Variants in IFTAP observed in about 807,000 individuals in gnomAD.
The protein encoded by IFTAP is intraflagellar transport associated protein.
Under a neutral mutation model 19.4 loss-of-function variants are expected in IFTAP, and 19 were observed. That is an observed-to-expected ratio of 0.98 (90% confidence interval 0.68 to 1.44). The LOEUF (loss-of-function observed/expected upper bound fraction) is 1.44, where lower values mean the gene tolerates loss of function less well. Among genes scored for constraint, IFTAP ranks in the 40% most tolerant of loss-of-function variants. IFTAP has a pLI of 0.00. For synonymous variants in IFTAP, 85 were observed against 83.5 expected (o/e 1.02, Z -0.10); for missense variants, 240 against 253.6 (o/e 0.95, Z 0.36).
chr11:36,653,780 A>G (rs930735639), intron 5 of IFTAP, among the ~76,000 whole-genome samples: 4 of 152,170 alleles, frequency 2.6e-5, no homozygotes, highest in African/African-American at 9.6e-5. Context: ...AAGCTTATGT[A>G]ATTAACATGC....
At chr11:36,632,139 G>A (rs1281293643) in intron 2 of IFTAP, among the ~76,000 whole-genome samples, 1 of 151,050 alleles carries the variant, frequency 6.6e-6, no homozygotes, top group Non-Finnish European at 1.5e-5. Context: ...GTAGGCCTTG[G>A]TTCTTTAATC....
intron 2 of IFTAP, among the ~76,000 whole-genome samples, chr11:36,631,821 G>C (rs954261050): frequency 1.3e-5 from 2 of 150,864 alleles, no homozygotes; most frequent in African/African-American, 5.0e-5. Context: ...GATCATTGAC[G>C]TAGGTTCCTG....
chr11:36,651,538 C>A (rs1402618173), intron 5 of IFTAP, among the ~76,000 whole-genome samples: 1 of 152,160 alleles, frequency 6.6e-6, no homozygotes, highest in Non-Finnish European at 1.5e-5. Flanking sequence ...TTTTGCTGTG[C>A]AGAAGCTCTT....
chr11:36,650,558 CA>C lies in IFTAP; in HGVS notation c.498+2413del, dbSNP rs1287408197. Among the ~76,000 whole-genome samples the C allele has an allele frequency of 1.1e-3, 154 of 139,156 alleles. 1 individual carries two copies. Among genetic ancestry groups the C allele is most frequent in the African/African-American group, 4.0e-3 (149 of 37,310 alleles). 91.3% of individuals were successfully genotyped at this position (139,156 alleles called of 152,430 possible). A position where few individuals can be genotyped will look rare whatever the true frequency, so the allele number is the denominator to read the frequency against. On this transcript the variant is annotated intron_variant, in intron 5 of 5. Transcript: ENST00000334307. ...TACCACTGGTTCTTTTTTTTTTTTC[CA>C]AAAAAAAAATATATTTTTATTATAC...
intron 2 of IFTAP, among the ~76,000 whole-genome samples, chr11:36,619,249 T>C (rs1187667291): frequency 6.6e-6 from 1 of 152,050 alleles, no homozygotes; most frequent in Non-Finnish European, 1.5e-5. Context: ...TACTCATACT[T>C]GACAGCTTCT....
Position 36,648,107 on chromosome 11 carries a change from A to T in IFTAP, c.450A>T (p.Glu150Asp). 2 of 1,613,464 alleles carry T rather than the reference A, an allele frequency of 1.2e-6. No individual in the cohort carries two copies. The highest frequency in any genetic ancestry group is 1.3e-5 in the African/African-American group (1 of 74,990). Reference sequence around the variant, plus strand: ...TTGTGGCCCAGCCTCCTACCTGTGAAGTGAAGCCAAAGCCCAGTGTTAAAA... The same window carrying T: ...TTGTGGCCCAGCCTCCTACCTGTGATGTGAAGCCAAAGCCCAGTGTTAAAA... ...IPFVAQPPTC[E>D]VKPKPSVKRM... The change falls in exon 5 of 6, where the codon GAA (glutamate) becomes GAT (aspartate). Residue 150 changes from glutamate to aspartate, a missense_variant. Glu to Asp is a conservative substitution (Grantham distance 45). Coordinates refer to ENST00000334307, the MANE Select transcript of IFTAP (RefSeq NM_138787.4).
chr11:36,638,722 T>C (rs901419862), intron 4 of IFTAP, among the ~76,000 whole-genome samples: 1 of 152,196 alleles, frequency 6.6e-6, no homozygotes, highest in South Asian at 2.1e-4. Flanking sequence ...GGTTTACTGA[T>C]TAGATTCCGT....
chr11:36,596,222 G>GTTTTTTTTTTTTTTTTT (rs67282079), intron 1 of IFTAP, among the ~76,000 whole-genome samples: 2 of 118,364 alleles, frequency 1.7e-5, no homozygotes, highest in Admixed American at 8.7e-5. Context: ...TTTTTTTTTT[G>GTTTTTTTTTTTTTTTTT]TTTTTTTTTT....
At chr11:36,637,392 A>G (rs1425216848) in intron 4 of IFTAP, among the ~76,000 whole-genome samples, 1 of 152,200 alleles carries the variant, frequency 6.6e-6, no homozygotes, top group Non-Finnish European at 1.5e-5. Context: ...CACATCCTCC[A>G]GGGAGAGGTT....
At chr11:36,614,938 T>C (rs2133390407) in intron 2 of IFTAP, among the ~76,000 whole-genome samples, 1 of 146,100 alleles carries the variant, frequency 6.8e-6, no homozygotes, top group East Asian at 1.9e-4. Context: ...ATCCCATTTG[T>C]CAATTTTGTC....
At position 36,659,267 on chromosome 11, in the gene IFTAP, C is replaced by G. The variant is rs1854125434; in HGVS notation, c.*81C>G. On this transcript the variant is annotated 3_prime_UTR_variant, in exon 6 of 6. Transcript: ENST00000334307. ...AACATTAGAATAAAAGATAAACCTA[C>G]TATAATTCCCTTTGTGGAAATTTAC... 2 of 1,261,060 alleles carry G rather than the reference C, an allele frequency of 1.6e-6. No individual in the cohort carries two copies. Among genetic ancestry groups the G allele is most frequent in the Middle Eastern group, 4.0e-4 (2 of 5,060 alleles). 78.1% of individuals were successfully genotyped at this position (1,261,060 alleles called of 1,614,324 possible).
chr11:36,659,248 A>G lies in IFTAP; in HGVS notation c.*62A>G. The stretch of plus-strand genomic sequence containing the variant: ...ATTTTGTTCTTATTCTAGCAACATT[A>G]GAATAAAAGATAAACCTACTATAAT... On this transcript the variant is annotated 3_prime_UTR_variant, in exon 6 of 6. Coordinates refer to ENST00000334307, the MANE Select transcript of IFTAP (RefSeq NM_138787.4). 2 of 1,370,922 alleles carry G rather than the reference A, an allele frequency of 1.5e-6. No homozygotes were observed. The highest frequency in any genetic ancestry group is 5.0e-5 in the East Asian group (2 of 39,796). The allele number at this position is 1,370,922 out of a possible 1,614,324, so 84.9% of individuals were successfully genotyped here. A position where few individuals can be genotyped will look rare whatever the true frequency, so the allele number is the denominator to read the frequency against.
At chr11:36,598,511 A>G (rs1851376896) in intron 1 of IFTAP, among the ~76,000 whole-genome samples, 1 of 152,240 alleles carries the variant, frequency 6.6e-6, no homozygotes, top group Admixed American at 6.5e-5. Flanking sequence ...AATAAACACT[A>G]TTTTGAATCA....
chr11:36,599,571 A>G (rs1054194854), intron 1 of IFTAP, among the ~76,000 whole-genome samples: 8 of 152,246 alleles, frequency 5.3e-5, no homozygotes, highest in African/African-American at 1.7e-4. Context: ...GAAGATGTAC[A>G]TATATTACCT....
chr11:36,606,517 A>T (rs1282726283), intron 1 of IFTAP, among the ~76,000 whole-genome samples: 1 of 152,202 alleles, frequency 6.6e-6, no homozygotes, highest in Non-Finnish European at 1.5e-5. Flanking sequence ...ATAAAATTAA[A>T]GGCCTAGAAG....
intron 5 of IFTAP, among the ~76,000 whole-genome samples, chr11:36,656,412 A>C (rs61272071): frequency 0.095 from 14,398 of 152,094 alleles, 835 homozygotes; most frequent in African/African-American, 0.15. Context: ...TCTACTAAAA[A>C]TACAAAAATT....
intron 2 of IFTAP, among the ~76,000 whole-genome samples, 185 bp downstream of exon 2, chr11:36,610,424 T>A (rs1851840855): frequency 6.6e-6 from 1 of 152,180 alleles, no homozygotes; most frequent in Admixed American, 6.6e-5. Context: ...ATACCAGTCT[T>A]CATACATCCA....
At chr11:36,597,001 G>T (rs753854017) in intron 1 of IFTAP, among the ~76,000 whole-genome samples, 8 of 152,004 alleles carry the variant, frequency 5.3e-5, no homozygotes, top group Admixed American at 1.3e-4. Context: ...TCTGCTTTTG[G>T]CTCATTTCAT....
chr11:36,635,692 G>T (rs728875), intron 3 of IFTAP, among the ~76,000 whole-genome samples: 73,109 of 151,964 alleles, frequency 0.48, 20,241 homozygotes, highest in East Asian at 0.77. Context: ...AGCAATAAAA[G>T]GAAAACAAAA....
Sources: allele counts gnomAD v4.1 joint callset (sites outside exome capture counted in the v4.1 genomes callset), GRCh38; gene constraint gnomAD v4.1.1; transcripts MANE v1.5; gene names NCBI Gene and HGNC (gene_info 2026-07-23, HGNC 2026-07-21).